The following VPS53 variants were observed in gnomAD, a reference collection of about 807,000 sequenced individuals.
VPS53 encodes VPS53 subunit of GARP complex, also known as vacuolar protein sorting-associated protein 53 homolog.
In VPS53, 70 loss-of-function variants were observed where a neutral mutation model predicts 107.0. The observed-to-expected ratio is 0.65, with a 90% CI of 0.54 to 0.80. VPS53 has a LOEUF of 0.80. Ranked by LOEUF, VPS53 falls within the 30% of genes least tolerant of loss-of-function variation. The probability of loss-of-function intolerance (pLI) is 0.00; values close to 1 mark genes in which losing one functional copy is unlikely to be tolerated. For synonymous variants in VPS53, 409 were observed against 393.3 expected (o/e 1.04, Z -0.47); for missense variants, 917 against 1,049.4 (o/e 0.87, Z 1.74).
At chr17:533,104 G>C in intron 18 of VPS53, 193 bp from the exon 19 acceptor site, 1 of 978,238 alleles carries the variant, frequency 1.0e-6, no homozygotes, top group Non-Finnish European at 1.5e-6. Context: ...TGAGGCCCTG[G>C]CAGGCCCGGG....
At chr17:525,510 G>A (rs917998097) in intron 19 of VPS53, among the ~76,000 whole-genome samples, 1 of 152,044 alleles carries the variant, frequency 6.6e-6, no homozygotes, top group African/African-American at 2.4e-5. Context: ...GCAACACAGT[G>A]AGACCTTGTC....
chr17:672,027 C>G (rs1006558836), intron 4 of VPS53, among the ~76,000 whole-genome samples: 2 of 151,048 alleles, frequency 1.3e-5, no homozygotes, highest in Non-Finnish European at 2.9e-5. Context: ...GTAGGAGTCC[C>G]AAGAAGTGAA....
rs1597226296 is a variant in VPS53 at position 508,815 on chromosome 17, T to A, written c.*10313A>T. The A allele has an allele frequency of 6.6e-6, 1 of 152,214 alleles. No homozygotes were observed. Among genetic ancestry groups the A allele is most frequent in the Non-Finnish European group, 1.5e-5 (1 of 68,032 alleles). 9.4% of individuals were successfully genotyped at this position (152,214 alleles called of 1,614,324 possible). On this transcript the variant is annotated 3_prime_UTR_variant, in exon 22 of 22. Transcript: ENST00000437048. ...TGTGCAACCCAGAAGTAAACTGGGGTTGATACACACACATTTTCATCCATA... is the reference window on the plus strand; with the variant it reads ...TGTGCAACCCAGAAGTAAACTGGGGATGATACACACACATTTTCATCCATA...
At chr17:645,331 T>C (rs752371820) in intron 7 of VPS53, among the ~76,000 whole-genome samples, 2 of 152,238 alleles carry the variant, frequency 1.3e-5, no homozygotes, top group Non-Finnish European at 2.9e-5. Flanking sequence ...TTCAAATCCT[T>C]TGCTGGTTTT....
intron 4 of VPS53, among the ~76,000 whole-genome samples, chr17:665,202 C>T (rs1364645508): frequency 6.6e-6 from 1 of 152,154 alleles, no homozygotes; most frequent in Non-Finnish European, 1.5e-5. Flanking sequence ...GCCACTTTCT[C>T]GTGCATGCAC....
chr17:547,490 G>T (rs1206160314), intron 17 of VPS53, among the ~76,000 whole-genome samples: 1 of 152,172 alleles, frequency 6.6e-6, no homozygotes, highest in African/African-American at 2.4e-5. Context: ...TATAGAGACA[G>T]AAAGTAGGCT....
intron 13 of VPS53, among the ~76,000 whole-genome samples, chr17:582,303 C>A (rs1240228329): frequency 6.8e-6 from 1 of 148,068 alleles, no homozygotes; most frequent in African/African-American, 2.4e-5. Context: ...TCCCAGAGAA[C>A]CTCCCTGAGG....
chr17:646,439 G>A (rs1970714808), intron 7 of VPS53, among the ~76,000 whole-genome samples: 1 of 137,776 alleles, frequency 7.3e-6, no homozygotes, highest in African/African-American at 2.6e-5. Flanking sequence ...ACCACTGACT[G>A]GAGATTGGCT....
chr17:686,094 G>A (rs1436198340), intron 4 of VPS53, among the ~76,000 whole-genome samples: 1 of 152,002 alleles, frequency 6.6e-6, no homozygotes, highest in Non-Finnish European at 1.5e-5. Context: ...GTAGGTGGGA[G>A]GATCACCTGA....
At chr17:567,352 A>G (rs1275514636) in intron 13 of VPS53, among the ~76,000 whole-genome samples, 5 of 152,164 alleles carry the variant, frequency 3.3e-5, no homozygotes, top group Non-Finnish European at 7.3e-5. Context: ...CCTGCCTTCC[A>G]TCTTTCACCC....
At chr17:645,781 C>T (rs1360958307) in intron 7 of VPS53, among the ~76,000 whole-genome samples, 2 of 150,644 alleles carry the variant, frequency 1.3e-5, no homozygotes, top group African/African-American at 4.8e-5. Context: ...CCACACACAT[C>T]TCCGTGACCG....
chr17:682,935 C>G (rs145863565), intron 4 of VPS53, among the ~76,000 whole-genome samples: 31 of 151,720 alleles, frequency 2.0e-4, no homozygotes, highest in African/African-American at 7.5e-4. Flanking sequence ...TTTACCTGCA[C>G]GAACAGATGA....
intron 11 of VPS53, among the ~76,000 whole-genome samples, chr17:617,320 G>A (rs1969187819): frequency 6.6e-6 from 1 of 152,236 alleles, no homozygotes; most frequent in Admixed American, 6.5e-5. Flanking sequence ...CCAGCAAGAG[G>A]AATCAGGGGG....
intron 12 of VPS53, among the ~76,000 whole-genome samples, chr17:589,369 A>T (rs1474050180): frequency 6.6e-6 from 1 of 152,116 alleles, no homozygotes; most frequent in East Asian, 1.9e-4. Context: ...TACTGTATGG[A>T]TGTTAAATTT....
At chr17:648,369 G>C (rs1408172972) in intron 7 of VPS53, among the ~76,000 whole-genome samples, 2 of 152,144 alleles carry the variant, frequency 1.3e-5, no homozygotes, top group Non-Finnish European at 2.9e-5. Flanking sequence ...GGCCAACATG[G>C]TGAAACCCTG....
At chr17:671,594 C>A (rs150764584) in intron 4 of VPS53, among the ~76,000 whole-genome samples, 1 of 152,048 alleles carries the variant, frequency 6.6e-6, no homozygotes, top group Non-Finnish European at 1.5e-5. Flanking sequence ...TGTTTGGAAT[C>A]GTTTACCCAA....
At chr17:558,142 G>A (rs1351836916) in intron 15 of VPS53, among the ~76,000 whole-genome samples, 1 of 152,220 alleles carries the variant, frequency 6.6e-6, no homozygotes, top group Non-Finnish European at 1.5e-5. Context: ...TTACAGGCGT[G>A]AGCCACTGTA....
At chr17:532,732 A>G in intron 19 of VPS53, 110 bp downstream of exon 19, 1 of 1,518,156 alleles carries the variant, frequency 6.6e-7, no homozygotes, top group Non-Finnish European at 8.9e-7. Context: ...GTCCCCAAAC[A>G]GGGGACATCA....
chr17:675,566 G>T (rs1972119448), intron 4 of VPS53: 2 of 152,078 alleles, frequency 1.3e-5, no homozygotes, highest in Non-Finnish European at 2.9e-5. Flanking sequence ...CTCAGGTTGG[G>T]TGTTCGAGAC....
Sources: gnomAD v4.1 joint callset for allele counts (sites outside exome capture counted in the v4.1 genomes callset) on GRCh38, gnomAD v4.1.1 for gene constraint, MANE v1.5 for transcripts, NCBI Gene and HGNC (gene_info 2026-07-23, HGNC 2026-07-21) for gene names.